Variants in MCF2L observed in about 807,000 individuals in gnomAD.
The protein encoded by MCF2L is MCF.2 cell line derived transforming sequence like, also known as guanine nucleotide exchange factor DBS.
A neutral mutation model predicts 153.4 loss-of-function variants in MCF2L; 97 were observed. The ratio of observed to expected loss-of-function variants is 0.63; its 90% CI spans 0.54 to 0.75. The LOEUF is 0.75. MCF2L is among the 30% of genes least tolerant of loss of function. The pLI is 0.00. For missense variants in MCF2L, 1,347 were observed against 1,495.2 expected (o/e 0.90, Z 1.64); for synonymous variants, 659 against 632.2 (o/e 1.04, Z -0.64).
At chr13:112,946,880 A>G (rs956627789) in intron 2 of MCF2L, among the ~76,000 whole-genome samples, 11 of 152,198 alleles carry the variant, frequency 7.2e-5, no homozygotes, top group African/African-American at 2.4e-4. Context: ...AAGCACACAC[A>G]GGACAACTCT....
chr13:112,947,116 G>A (rs917682609), intron 2 of MCF2L, among the ~76,000 whole-genome samples: 3 of 152,144 alleles, frequency 2.0e-5, no homozygotes, highest in Non-Finnish European at 4.4e-5. Context: ...AGATCAAGGA[G>A]CCAGCATCAC....
chr13:112,991,006 A>G (rs2082875121), intron 1 of MCF2L, among the ~76,000 whole-genome samples: 1 of 152,224 alleles, frequency 6.6e-6, no homozygotes, highest in Non-Finnish European at 1.5e-5. Context: ...CCACAGAGAC[A>G]AAAACAAAGA....
intron 26 of MCF2L, chr13:113,091,009 C>T: frequency 1.6e-6 from 2 of 1,267,686 alleles, no homozygotes; most frequent in Non-Finnish European, 2.1e-6. Context: ...GGAAAGGGGC[C>T]ACAACGTCGG....
rs142905958 is a variant in MCF2L, at chr13:113,078,759, G to A, written c.1808+20G>A. 5 of 1,583,656 alleles carry A rather than the reference G, an allele frequency of 3.2e-6. No individual in the cohort carries two copies. In the African/African-American group the frequency reaches 6.7e-5, roughly 21 times the overall value. On this transcript the variant is annotated intron_variant, in intron 15 of 29. Coordinates refer to ENST00000535094, the MANE Select transcript of MCF2L (RefSeq NM_001112732.3). ...GCGCAGGTGGGTGCGCTGCCCTTCT[G>A]TCCTCACAGGGGCCCTCCGACCGCA...
At chr13:112,985,169 T>G in intron 1 of MCF2L, 2 of 321,304 alleles carry the variant, frequency 6.2e-6, no homozygotes, top group Non-Finnish European at 1.2e-5. Context: ...TGGACCTGCA[T>G]GTAAACATCA....
At chr13:113,081,068 G>A (rs1015247287) in intron 15 of MCF2L, 145 bp from the exon 16 acceptor site, 72 of 623,102 alleles carry the variant, frequency 1.2e-4, no homozygotes, top group Admixed American at 2.0e-4. Context: ...CCCGAGGAGC[G>A]TCCAGCCTGT....
At position 112,904,188 on chromosome 13, in the gene MCF2L, G is replaced by A. The variant is rs999566761; in HGVS notation, c.169+1817G>A. Among the ~76,000 whole-genome samples the A allele has an allele frequency of 6.6e-6, 1 of 152,050 alleles. No individual in the cohort carries two copies. The highest frequency in any genetic ancestry group is 2.4e-5 in the African/African-American group (1 of 41,372). Reference sequence around the variant, plus strand: ...AGGGGTTGGGACTGGGGTAGGGGTAGGTGTTAGGGGTAGGGGTAGCGTTTG... The same window carrying A: ...AGGGGTTGGGACTGGGGTAGGGGTAAGTGTTAGGGGTAGGGGTAGCGTTTG... On this transcript the variant is annotated intron_variant, in intron 2 of 29. Transcript: ENST00000375608. The surrounding 1 kb of genome is among the most constrained non-coding windows in gnomAD (Gnocchi z 4.2).
intron 2 of MCF2L, among the ~76,000 whole-genome samples, chr13:112,944,974 T>G (rs1594365684): frequency 6.6e-6 from 1 of 151,104 alleles, no homozygotes; most frequent in Non-Finnish European, 1.5e-5. Flanking sequence ...CTTAAGAAAA[T>G]CGATGCAATG....
chr13:113,033,270 C>T (rs933441374), intron 3 of MCF2L, among the ~76,000 whole-genome samples: 5 of 64,398 alleles, frequency 7.8e-5, no homozygotes, highest in Non-Finnish European at 1.1e-4. Context: ...GACCCCGTGG[C>T]GTGAGTGGCC....
chr13:112,908,516 C>T (rs1444828804), intron 2 of MCF2L, among the ~76,000 whole-genome samples: 1 of 152,144 alleles, frequency 6.6e-6, no homozygotes, highest in Admixed American at 6.5e-5. Context: ...GAGCCAGAGC[C>T]GATTTTGCAT....
At chr13:113,055,506 C>T (rs1357557391) in intron 4 of MCF2L, among the ~76,000 whole-genome samples, 1 of 149,760 alleles carries the variant, frequency 6.7e-6, no homozygotes, top group Non-Finnish European at 1.5e-5. Flanking sequence ...GTGATAAAAA[C>T]GACAGTGAAA....
chr13:113,001,867 G>A (rs773348665), intron 1 of MCF2L: 69 of 1,557,244 alleles, frequency 4.4e-5, no homozygotes, highest in East Asian at 1.4e-4. Flanking sequence ...CGGGAAGGGC[G>A]TTCCGGGAGC....
Position 113,022,542 on chromosome 13 carries a change from C to G in MCF2L, c.164-2102C>G, listed in dbSNP as rs573547950. 1.2e-3 allele frequency among the ~76,000 whole-genome samples: 180 copies of G among 152,370 alleles called. 1 individual carries two copies. The highest frequency in any genetic ancestry group is 4.2e-3 in the African/African-American group (176 of 41,584). On this transcript the variant is annotated intron_variant, in intron 2 of 29. Transcript: ENST00000535094. ...GTGCTGGAAGCTTCTGGCCCCTGAA[C>G]GTTCCCCCCAGGCCCCGTTTCAGGG...
intron 3 of MCF2L, among the ~76,000 whole-genome samples, chr13:113,032,495 G>A (rs979987317): frequency 2.0e-5 from 3 of 152,238 alleles, no homozygotes; most frequent in Non-Finnish European, 4.4e-5. Flanking sequence ...CTCGCAGCTT[G>A]CTGCTTCTGT....
intron 5 of MCF2L, among the ~76,000 whole-genome samples, chr13:113,062,801 T>C (rs553841901): frequency 1.3e-5 from 2 of 152,010 alleles, no homozygotes; most frequent in African/African-American, 4.8e-5. Context: ...TGGAGTGACC[T>C]CAAAAAGGGC....
Position 113,082,450 on chromosome 13 carries a change from C to T in MCF2L, c.1899C>T (p.Asn633=), listed in dbSNP as rs372321352. 3 of 1,613,688 alleles carry T rather than the reference C, an allele frequency of 1.9e-6. No individual in the cohort carries two copies. Among genetic ancestry groups the T allele is most frequent in the African/African-American group, 1.3e-5 (1 of 74,928 alleles). The change falls in exon 17 of 30, where the codon AAC becomes AAT. Residue 633 remains asparagine (N), a synonymous_variant. Coordinates refer to ENST00000535094, the MANE Select transcript of MCF2L (RefSeq NM_001112732.3). ...AGGGCTACGCCGCGGAGATGGATAA[C>T]CCACTGATGGCTCACCTCCTGTCAA... ...VLEGYAAEMD[N]PLMAHLLSTG...
intron 3 of MCF2L, chr13:113,024,991 G>A: frequency 2.6e-6 from 1 of 378,004 alleles, no homozygotes. Context: ...ATCATGGTGG[G>A]GTCCCCGTGA....
intron 21 of MCF2L, among the ~76,000 whole-genome samples, chr13:113,086,777 A>C (rs999963345): frequency 6.6e-6 from 1 of 151,860 alleles, no homozygotes; most frequent in African/African-American, 2.4e-5. Context: ...GATTTATTGC[A>C]GCAATTTTTG....
At chr13:112,921,610 T>C (rs2081353714) in intron 2 of MCF2L, among the ~76,000 whole-genome samples, 1 of 152,222 alleles carries the variant, frequency 6.6e-6, no homozygotes, top group South Asian at 2.1e-4. Context: ...TAAACCTTCC[T>C]GTTAGATACA....
Sources: gnomAD v4.1 joint callset for allele counts (sites outside exome capture counted in the v4.1 genomes callset) on GRCh38, gnomAD v4.1.1 for gene constraint, Gnocchi (gnomAD v3.1) non-coding constraint, MANE v1.5 for transcripts, NCBI Gene and HGNC (gene_info 2026-07-23, HGNC 2026-07-21) for gene names.